Variants in IL1RAPL2 observed in about 807,000 individuals in gnomAD.
IL1RAPL2 encodes the protein X-linked interleukin-1 receptor accessory protein-like 2.
IL1RAPL2 carries 3 observed loss-of-function variants against 44.1 expected under a neutral mutation model. That is an observed-to-expected ratio of 0.07 (90% CI 0.03 to 0.18). The LOEUF (loss-of-function observed/expected upper bound fraction) is 0.18, where lower values mean the gene tolerates loss of function less well. Ranked by LOEUF, IL1RAPL2 falls within the 10% of genes least tolerant of loss-of-function variation. The pLI is 1.00. For synonymous variants in IL1RAPL2, 181 were observed against 178.8 expected (o/e 1.01, Z -0.10); for missense variants, 391 against 496.4 (o/e 0.79, Z 2.02).
intron 2 of IL1RAPL2, among the ~76,000 whole-genome samples, chrX:104,719,724 C>T (rs1931641143): frequency 2.7e-5 from 3 of 111,472 alleles, no homozygotes; most frequent in Admixed American, 1.9e-4. Context: ...CATCCTGTTG[C>T]AATTTGTTGT....
At chrX:105,030,081 C>T (rs1213033610) in intron 2 of IL1RAPL2, among the ~76,000 whole-genome samples, 1 of 111,393 alleles carries the variant, frequency 9.0e-6, no homozygotes, top group African/African-American at 3.3e-5. Context: ...TATCCTTCGC[C>T]CACTTTTTGA....
rs149589731 is a variant in IL1RAPL2, at chrX:105,567,566, A to G, written c.772+83179A>G. Among the ~76,000 whole-genome samples the G allele has an allele frequency of 3.6e-3, 406 of 111,994 alleles. 2 individuals carry two copies. The highest frequency in any genetic ancestry group is 0.012 in the African/African-American group (382 of 30,952). On this transcript the variant is annotated intron_variant, in intron 6 of 10. Transcript: ENST00000372582. ...CATGAAATAGCATTTTAACAAAGGC[A>G]TAGATCTGTGATTAATGAGTCATCC...
chrX:105,048,460 A>G (rs780787274), intron 2 of IL1RAPL2, among the ~76,000 whole-genome samples: 1 of 112,381 alleles, frequency 8.9e-6, no homozygotes, highest in African/African-American at 3.2e-5. Flanking sequence ...GTAAAATGAA[A>G]TTTAGTAATT....
chrX:105,155,276 T>A (rs1490272066), intron 2 of IL1RAPL2, among the ~76,000 whole-genome samples: 1 of 111,214 alleles, frequency 9.0e-6, no homozygotes, highest in Admixed American at 9.7e-5. Context: ...TAGTTTGAAG[T>A]CAGAGGAGCA....
At chrX:105,134,685 T>G (rs2033060191) in intron 2 of IL1RAPL2, among the ~76,000 whole-genome samples, 1 of 111,550 alleles carries the variant, frequency 9.0e-6, no homozygotes, top group Non-Finnish European at 1.9e-5. Context: ...ATAAGGACTA[T>G]ATACAGTTTA....
At chrX:105,116,538 G>A (rs1320471010) in intron 2 of IL1RAPL2, among the ~76,000 whole-genome samples, 2 of 104,383 alleles carry the variant, frequency 1.9e-5, no homozygotes, top group African/African-American at 8.3e-5. Flanking sequence ...ATAGTCAAGG[G>A]TTGAATTGGT....
chrX:104,727,292 C>T (rs752324919), intron 2 of IL1RAPL2, among the ~76,000 whole-genome samples: 24 of 110,653 alleles, frequency 2.2e-4, no homozygotes, highest in Non-Finnish European at 4.0e-4. Context: ...TGTGAACAGA[C>T]ATTTTAAAAA....
chrX:105,465,924 A>G (rs971168012), intron 5 of IL1RAPL2, among the ~76,000 whole-genome samples: 1 of 111,492 alleles, frequency 9.0e-6, no homozygotes, highest in Non-Finnish European at 1.9e-5. Context: ...TAGTTTTCCT[A>G]TCTTTTAAGG....
At chrX:104,857,012 G>T (rs1318729356) in intron 2 of IL1RAPL2, among the ~76,000 whole-genome samples, 1 of 111,848 alleles carries the variant, frequency 8.9e-6, no homozygotes, top group Non-Finnish European at 1.9e-5. Flanking sequence ...AATGAAGTTG[G>T]CTGCCTTTTA....
At chrX:104,917,097 G>A (rs2147688329) in intron 2 of IL1RAPL2, among the ~76,000 whole-genome samples, 2 of 111,795 alleles carry the variant, frequency 1.8e-5, no homozygotes, top group African/African-American at 6.5e-5. Flanking sequence ...ATGAGTTAGG[G>A]AGGATTCCCT....
At chrX:105,261,611 G>A (rs896354594) in intron 4 of IL1RAPL2, among the ~76,000 whole-genome samples, 3 of 111,320 alleles carry the variant, frequency 2.7e-5, no homozygotes, top group African/African-American at 9.8e-5. Context: ...TTAGTGTGAG[G>A]TTTTTAGATT....
At chrX:104,926,492 G>A (rs1924776716) in intron 2 of IL1RAPL2, among the ~76,000 whole-genome samples, 2 of 111,776 alleles carry the variant, frequency 1.8e-5, no homozygotes, top group Non-Finnish European at 3.8e-5. Flanking sequence ...CTTTAATGCA[G>A]TGTCAGTGTT....
At chrX:104,567,439 C>T (rs1024064490) in intron 1 of IL1RAPL2, among the ~76,000 whole-genome samples, 1 of 112,657 alleles carries the variant, frequency 8.9e-6, no homozygotes, top group Non-Finnish European at 1.9e-5. Flanking sequence ...GGGAGAGCAA[C>T]TGGAGCTGGG....
chrX:105,535,827 G>A (rs762054860), intron 6 of IL1RAPL2, among the ~76,000 whole-genome samples: 45 of 111,348 alleles, frequency 4.0e-4, no homozygotes, highest in African/African-American at 1.4e-3. Context: ...TGTTTTTAAG[G>A]TGATAGAACT....
rs1464194626 is a variant in IL1RAPL2 at position 105,243,189 on chromosome X, A to T, written c.543+9185A>T. Among the ~76,000 whole-genome samples the T allele has an allele frequency of 2.7e-5, 3 of 110,898 alleles. 1 individual carries two copies. The highest frequency in any genetic ancestry group is 9.9e-5 in the African/African-American group (3 of 30,449). On this transcript the variant is annotated intron_variant, in intron 4 of 10. Coordinates refer to ENST00000372582, the MANE Select transcript of IL1RAPL2 (RefSeq NM_017416.2). ...GTAATCCCCACATGTCAAGGGAGGG[A>T]CCTGGTGGAAGGTGATTGAATCATG...
At chrX:105,442,244 C>T (rs778774543) in intron 5 of IL1RAPL2, among the ~76,000 whole-genome samples, 3 of 108,447 alleles carry the variant, frequency 2.8e-5, no homozygotes, top group Admixed American at 2.0e-4. Context: ...TTAGTAGAGA[C>T]GGGGTTTCAC....
chrX:104,754,507 G>A (rs1251035749), intron 2 of IL1RAPL2, among the ~76,000 whole-genome samples: 1 of 111,415 alleles, frequency 9.0e-6, no homozygotes, highest in Non-Finnish European at 1.9e-5. Flanking sequence ...TATAAAATTG[G>A]AGATAGGGAT....
chrX:104,678,643 C>T (rs748131411), intron 2 of IL1RAPL2, among the ~76,000 whole-genome samples: 4 of 112,178 alleles, frequency 3.6e-5, no homozygotes, highest in Non-Finnish European at 5.6e-5. Context: ...AAGTGTCATT[C>T]GCACATCCTC....
intron 7 of IL1RAPL2, among the ~76,000 whole-genome samples, chrX:105,719,502 C>T (rs990561954): frequency 9.0e-6 from 1 of 111,187 alleles, no homozygotes; most frequent in Non-Finnish European, 1.9e-5. Context: ...TAATGGCATT[C>T]AGTACATTCA....
Sources: gnomAD v4.1 joint callset for allele counts (sites outside exome capture counted in the v4.1 genomes callset) on GRCh38, gnomAD v4.1.1 for gene constraint, MANE v1.5 for transcripts, NCBI Gene and HGNC (gene_info 2026-07-23, HGNC 2026-07-21) for gene names.